Variants in STPG2 observed in about 807,000 individuals in gnomAD.
STPG2 encodes sperm-tail PG-rich repeat-containing protein 2.
STPG2 carries 56 observed loss-of-function variants against 54.2 expected under a neutral mutation model. The ratio of observed to expected loss-of-function variants is 1.03; its 90% confidence interval spans 0.83 to 1.29. The LOEUF is 1.29. Ranked by LOEUF, STPG2 falls within the 50% of genes most tolerant of loss-of-function variation. The pLI, the probability that STPG2 is intolerant of heterozygous loss-of-function variation, is 0.00. For missense variants in STPG2, 596 were observed against 544.9 expected (o/e 1.09, Z -0.93); for synonymous variants, 200 against 181.8 (o/e 1.10, Z -0.81).
At chr4:97,811,547 A>AC (rs2149097386) in intron 9 of STPG2, among the ~76,000 whole-genome samples, 1 of 152,234 alleles carries the variant, frequency 6.6e-6, no homozygotes, top group East Asian at 1.9e-4. Context: ...GCAGTAAAAA[A>AC]AAAAATGTTA....
At chr4:98,140,272 A>G (rs1359011387) in intron 1 of STPG2, among the ~76,000 whole-genome samples, 1 of 152,138 alleles carries the variant, frequency 6.6e-6, no homozygotes, top group Non-Finnish European at 1.5e-5. Context: ...GGTGTGGGAG[A>G]TGAGGTCAGG....
chr4:98,077,220 A>G (rs983649155), intron 5 of STPG2, among the ~76,000 whole-genome samples: 21 of 107,478 alleles, frequency 2.0e-4, no homozygotes, highest in Non-Finnish European at 3.8e-4. Flanking sequence ...TGCGTCCTCA[A>G]TAGTTTTGTT....
intron 8 of STPG2, among the ~76,000 whole-genome samples, chr4:97,899,278 T>C (rs969698056): frequency 6.6e-6 from 1 of 151,572 alleles, no homozygotes; most frequent in Non-Finnish European, 1.5e-5. Flanking sequence ...AGGTGAAATA[T>C]CTCTACAATG....
At chr4:97,964,277 G>A (rs1321854530) in intron 7 of STPG2, among the ~76,000 whole-genome samples, 1 of 152,120 alleles carries the variant, frequency 6.6e-6, no homozygotes, top group Non-Finnish European at 1.5e-5. Flanking sequence ...CAAAATGGGA[G>A]AAAAACTGTG....
chr4:97,509,169 C>A (rs1354364133), intron 4 of STPG2, among the ~76,000 whole-genome samples: 1 of 151,988 alleles, frequency 6.6e-6, no homozygotes, highest in African/African-American at 2.4e-5. Flanking sequence ...GAACCTGGTC[C>A]GTTTCTGTCT....
At chr4:97,932,549 T>C (rs1732590950) in intron 8 of STPG2, among the ~76,000 whole-genome samples, 1 of 152,084 alleles carries the variant, frequency 6.6e-6, no homozygotes, top group Admixed American at 6.6e-5. Flanking sequence ...CCAGTGTGTG[T>C]TGTTCCCCTC....
intron 4 of STPG2, among the ~76,000 whole-genome samples, chr4:97,495,124 T>C (rs2148829578): frequency 6.6e-6 from 1 of 151,622 alleles, no homozygotes; most frequent in Non-Finnish European, 1.5e-5. Context: ...ATAATAAACA[T>C]TTTAAAAGGC....
At chr4:97,716,445 A>T (rs1381445874) in intron 9 of STPG2, among the ~76,000 whole-genome samples, 2 of 152,180 alleles carry the variant, frequency 1.3e-5, no homozygotes, top group Admixed American at 1.3e-4. Context: ...CTTGGAACCA[A>T]CCCAAATGCC....
At chr4:97,510,251 G>T (rs76788886) in intron 4 of STPG2, among the ~76,000 whole-genome samples, 2,203 of 152,186 alleles carry the variant, frequency 0.014, 28 homozygotes, top group South Asian at 0.028. Flanking sequence ...TTCTTGTCAG[G>T]CTCAATATTG....
At chr4:98,022,489 A>T (rs1211185547) in intron 5 of STPG2, among the ~76,000 whole-genome samples, 1 of 151,746 alleles carries the variant, frequency 6.6e-6, no homozygotes, top group Non-Finnish European at 1.5e-5. Context: ...TCTGACAATT[A>T]TGTGTCTTGG....
intron 10 of STPG2, among the ~76,000 whole-genome samples, chr4:97,566,776 A>G (rs1247631984): frequency 6.6e-6 from 1 of 151,662 alleles, no homozygotes; most frequent in Non-Finnish European, 1.5e-5. Context: ...GTAAACTATC[A>G]CAAGAACAAG....
Position 97,968,464 on chromosome 4 carries a change from C to CCTGG in STPG2, c.933+3812_933+3815dup, listed in dbSNP as rs558700991. Among the ~76,000 whole-genome samples, 37 of 152,208 alleles carry CCTGG rather than the reference C, an allele frequency of 2.4e-4. No homozygotes were observed. The South Asian group carries it at 7.5e-3, about 31-fold the overall frequency. ...GGCCAGCATCATCCTGATACCAAAGCCTGGCAGAGACACAACAAAAAAAGA... is the reference window on the plus strand; with the variant it reads ...GGCCAGCATCATCCTGATACCAAAGCCTGGCTGGCAGAGACACAACAAAAAAAGA... On this transcript the variant is annotated intron_variant, in intron 7 of 10. Coordinates refer to ENST00000295268, the MANE Select transcript of STPG2 (RefSeq NM_174952.3).
At chr4:98,036,204 T>C (rs1232583138) in intron 5 of STPG2, among the ~76,000 whole-genome samples, 2 of 152,114 alleles carry the variant, frequency 1.3e-5, no homozygotes, top group African/African-American at 4.8e-5. Context: ...TATACACTGT[T>C]GGTGCGACTG....
intron 1 of STPG2, among the ~76,000 whole-genome samples, chr4:98,141,948 A>G (rs1740295680): frequency 6.6e-6 from 1 of 150,944 alleles, no homozygotes; most frequent in Non-Finnish European, 1.5e-5. Flanking sequence ...TTGGGAAAAA[A>G]AAAAAAAAAA....
chr4:98,004,135 T>C (rs1266071767), intron 5 of STPG2, among the ~76,000 whole-genome samples: 1 of 152,112 alleles, frequency 6.6e-6, no homozygotes, highest in Non-Finnish European at 1.5e-5. Context: ...ATACCTGTAA[T>C]GTTGTATCCT....
intron 9 of STPG2, among the ~76,000 whole-genome samples, chr4:97,751,426 G>A (rs1175204427): frequency 2.6e-5 from 4 of 151,902 alleles, no homozygotes; most frequent in Non-Finnish European, 4.4e-5. Context: ...GTTTCTTAAA[G>A]TTATGGTGAC....
chr4:97,459,066 A>C (rs1415438141), intron 4 of STPG2, among the ~76,000 whole-genome samples: 2 of 152,118 alleles, frequency 1.3e-5, no homozygotes, highest in Non-Finnish European at 2.9e-5. Context: ...AAGTATTTGA[A>C]GGTAAAAATT....
At chr4:97,507,567 C>T (rs556463458) in intron 4 of STPG2, among the ~76,000 whole-genome samples, 1 of 152,162 alleles carries the variant, frequency 6.6e-6, no homozygotes, top group South Asian at 2.1e-4. Flanking sequence ...CTCCATAAGA[C>T]TGCCCTCATT....
chr4:97,947,949 C>G (rs1350084919), intron 7 of STPG2, among the ~76,000 whole-genome samples: 1 of 152,012 alleles, frequency 6.6e-6, no homozygotes, highest in Non-Finnish European at 1.5e-5. Context: ...CCTTCTTTCT[C>G]AATCTTTTGT....
Sources: gnomAD v4.1 joint callset for allele counts (sites outside exome capture counted in the v4.1 genomes callset) on GRCh38, gnomAD v4.1.1 for gene constraint, MANE v1.5 for transcripts, NCBI Gene and HGNC (gene_info 2026-07-23, HGNC 2026-07-21) for gene names.